PIK3CD: variants seen among roughly 807,000 people sequenced by gnomAD.
PIK3CD encodes the protein phosphatidylinositol 4,5-bisphosphate 3-kinase catalytic subunit delta isoform.
PIK3CD carries 20 observed loss-of-function variants against 122.9 expected under a neutral mutation model. The observed-to-expected ratio is 0.16, with a 90% confidence interval of 0.11 to 0.24. The LOEUF is 0.24. PIK3CD is among the 10% of genes least tolerant of loss of function. PIK3CD has a pLI of 1.00. For synonymous variants in PIK3CD, 596 were observed against 593.4 expected, an observed-to-expected ratio of 1.00 and a Z score of -0.06; for missense variants, 787 against 1,406.3, an observed-to-expected ratio of 0.56 and a Z score of 7.04.
At chr1:9,661,149 G>C (rs1644997594) in intron 1 of PIK3CD, among the ~76,000 whole-genome samples, 1 of 151,994 alleles carries the variant, frequency 6.6e-6, no homozygotes, top group Admixed American at 6.6e-5. Flanking sequence ...TGGACAGGCT[G>C]GTCTCGAACT....
At chr1:9,632,786 T>G in the PIK3CD span, among the ~76,000 whole-genome samples, 9 of 151,746 alleles carry the variant, frequency 5.9e-5, no homozygotes, top group Non-Finnish European at 8.8e-5. Context: ...GTCTAGAGCC[T>G]CTCAGACCCA....
At chr1:9,664,049 CTTTTTTTTT>C (rs754341558) in intron 1 of PIK3CD, among the ~76,000 whole-genome samples, 2 of 101,778 alleles carry the variant, frequency 2.0e-5, no homozygotes, top group South Asian at 4.2e-4. Flanking sequence ...TTCTTTCTTT[CTTTTTTTTT>C]TTTTTTTTTG....
chr1:9,726,273 C>T (rs1346705707), intron 23 of PIK3CD, among the ~76,000 whole-genome samples: 2 of 152,048 alleles, frequency 1.3e-5, no homozygotes, highest in Non-Finnish European at 2.9e-5. Context: ...CTTTGGGAGG[C>T]CAAGGCGGGT....
intron 1 of PIK3CD, among the ~76,000 whole-genome samples, chr1:9,667,548 T>A (rs1645196883): frequency 6.7e-6 from 1 of 149,600 alleles, no homozygotes; most frequent in Non-Finnish European, 1.5e-5. Flanking sequence ...GGCTAATTTT[T>A]TGTATTTTTA....
chr1:9,677,440 G>A (rs1346270900), intron 1 of PIK3CD, among the ~76,000 whole-genome samples: 1 of 152,026 alleles, frequency 6.6e-6, no homozygotes, highest in Non-Finnish European at 1.5e-5. Context: ...GAGGTCAGGA[G>A]TTCAAGACCA....
chr1:9,643,703 G>C, the PIK3CD span, among the ~76,000 whole-genome samples: 1 of 152,142 alleles, frequency 6.6e-6, no homozygotes, highest in Non-Finnish European at 1.5e-5. Context: ...AGTTCTGAAA[G>C]TTGAGCACCA....
At chr1:9,668,628 A>G (rs1480250696) in intron 1 of PIK3CD, among the ~76,000 whole-genome samples, 1 of 152,034 alleles carries the variant, frequency 6.6e-6, no homozygotes, top group Non-Finnish European at 1.5e-5. Flanking sequence ...ACCCTCTCCC[A>G]TGCTTCCCCT....
Position 9,719,039 on chromosome 1 carries a change from T to A in PIK3CD, c.1242+124T>A. ...CTGGGGATGGGGGTCCTGGGATTGCTTGTGGACCCCAGCCTCCTCACCCAC... is the reference window on the plus strand; with the variant it reads ...CTGGGGATGGGGGTCCTGGGATTGCATGTGGACCCCAGCCTCCTCACCCAC... On this transcript the variant is annotated intron_variant, in intron 9 of 23. Transcript: ENST00000377346. This position sits in a 1 kb window ranked among gnomAD's most constrained non-coding sequence, Gnocchi z 5.5. 1 of 925,782 alleles carries A rather than the reference T, an allele frequency of 1.1e-6. No homozygotes were observed. Among genetic ancestry groups the A allele is most frequent in the Non-Finnish European group, 1.7e-6 (1 of 595,040 alleles). 57.3% of individuals were successfully genotyped at this position (925,782 alleles called of 1,614,324 possible). A position where few individuals can be genotyped will look rare whatever the true frequency, so the allele number is the denominator to read the frequency against.
intron 2 of PIK3CD, among the ~76,000 whole-genome samples, chr1:9,694,120 G>A (rs1646310400): frequency 1.3e-5 from 2 of 152,180 alleles, no homozygotes; most frequent in African/African-American, 2.4e-5. Flanking sequence ...GTAGCTCCCC[G>A]AACACCGCAG....
rs566111039 is a variant in PIK3CD, at chr1:9,692,950, G to A, written c.-33+1379G>A. 4.8e-3 allele frequency among the ~76,000 whole-genome samples: 728 copies of A among 152,168 alleles called. 7 individuals carry two copies. Among genetic ancestry groups the A allele is most frequent in the African/African-American group, 0.014 (588 of 41,512 alleles). On this transcript the variant is annotated intron_variant, in intron 2 of 23. Transcript: ENST00000377346. ...TAGATCATGTAGACCCCTGTTGGAG[G>A]ATTAGAATTTCTTCCACACATCTAT...
rs1570385564 is a variant in PIK3CD at position 9,721,151 on chromosome 1, C to T, written c.1714C>T (p.Pro572Ser). The T allele has an allele frequency of 1.2e-6, 2 of 1,612,530 alleles. No homozygotes were observed. The highest frequency in any genetic ancestry group is 1.7e-5 in the Admixed American group (1 of 60,006). Residue 572 changes from proline (P) to serine (S), a missense_variant, in exon 14 of 24, where the codon CCG becomes TCG. By Grantham distance (74) the Pro-to-Ser change is moderately conservative. This residue lies in a region of PIK3CD where 592 missense variants were observed against 920.6 expected (regional missense o/e 0.64). Transcript: ENST00000377346. ...GATGCTCTACCTGCTGTGCTCCTGG[C>T]CGGAGCTGCCCGTCCTGAGCGCCCT... Reference protein sequence around the residue: ...AQMLYLLCSWPELPVLSALEL... With the variant: ...AQMLYLLCSWSELPVLSALEL...
At chr1:9,688,227 A>G (rs1223105202) in intron 1 of PIK3CD, 2 of 152,066 alleles carry the variant, frequency 1.3e-5, no homozygotes, top group Non-Finnish European at 2.9e-5. Context: ...TGTTCTTCAA[A>G]CCACCTTCTA....
At chr1:9,716,216 T>TG (rs886694433) in intron 5 of PIK3CD, 138 bp downstream of exon 5, 79 of 888,132 alleles carry the variant, frequency 8.9e-5, no homozygotes, top group Middle Eastern at 3.1e-4. Flanking sequence ...TGTGCATGTG[T>TG]GGGGCTCAAC....
the PIK3CD span, among the ~76,000 whole-genome samples, chr1:9,636,961 G>A: frequency 1.8e-4 from 27 of 151,552 alleles, no homozygotes; most frequent in Middle Eastern, 3.4e-3. Flanking sequence ...GCAGTGGCCC[G>A]ATCTCGGCTC....
chr1:9,667,045 G>A (rs1645181735), intron 1 of PIK3CD, among the ~76,000 whole-genome samples: 1 of 152,034 alleles, frequency 6.6e-6, no homozygotes, highest in African/African-American at 2.4e-5. Context: ...TTGTATTTTA[G>A]TAGATACGGG....
Position 9,720,522 on chromosome 1 carries a change from G to A in PIK3CD, c.1471-89G>A. The A allele has an allele frequency of 1.9e-6, 3 of 1,542,714 alleles. No homozygotes were observed. Among genetic ancestry groups the A allele is most frequent in the Non-Finnish European group, 2.6e-6 (3 of 1,141,768 alleles). On this transcript the variant is annotated intron_variant, in intron 11 of 23. Coordinates refer to ENST00000377346, the MANE Select transcript of PIK3CD (RefSeq NM_005026.5). The surrounding 1 kb of genome is among the most constrained non-coding windows in gnomAD (Gnocchi z 9.0). ...CATGCAGAGGACAGCGCCCCCTCAA[G>A]GATGATTGGGGTGGCAATGCCCGGC...
chr1:9,630,303 T>G, the PIK3CD span, among the ~76,000 whole-genome samples: 1 of 152,220 alleles, frequency 6.6e-6, no homozygotes, highest in African/African-American at 2.4e-5. Context: ...GTCAGGCCCC[T>G]CCTTGAAGGG....
rs1557680563 is a variant in PIK3CD at position 9,727,066 on chromosome 1, G to A, written c.*20G>A. The A allele has an allele frequency of 1.2e-6, 2 of 1,613,958 alleles. No individual in the cohort carries two copies. The highest frequency in any genetic ancestry group is 1.3e-5 in the African/African-American group (1 of 75,052). The stretch of plus-strand genomic sequence containing the variant: ...CAGTAGTGGCTCCTCCCAGCCCTGG[G>A]CCCAAGAGGAGGCGGCTGCGGGTCG... On this transcript the variant is annotated 3_prime_UTR_variant, in exon 24 of 24. Coordinates refer to ENST00000377346, the MANE Select transcript of PIK3CD (RefSeq NM_005026.5).
At position 9,715,925 on chromosome 1, in the gene PIK3CD, G is replaced by A. The variant is rs944091166; in HGVS notation, c.447G>A (p.Glu149=). Residue 149 remains glutamate, a synonymous_variant, in exon 5 of 24, where the codon GAG becomes GAA. Transcript: ENST00000377346. The surrounding 1 kb of genome is among the most constrained non-coding windows in gnomAD (Gnocchi z 4.1). ...CCAAGATGTGCCAATTCTGCGAGGAGGCGGCCGCCCGCCGGCAGCAGCTGG... is the reference window on the plus strand; with the variant it reads ...CCAAGATGTGCCAATTCTGCGAGGAAGCGGCCGCCCGCCGGCAGCAGCTGG... ...FRAKMCQFCE[E]AAARRQQLGW... is the part of the protein sequence containing the mutation. 4 of 1,612,144 alleles carry A rather than the reference G, an allele frequency of 2.5e-6. No individual in the cohort carries two copies. The highest frequency in any genetic ancestry group is 2.5e-6 in the Non-Finnish European group (3 of 1,179,772).
Sources: allele counts gnomAD v4.1 joint callset (sites outside exome capture counted in the v4.1 genomes callset), GRCh38; gene constraint gnomAD v4.1.1; regional missense constraint gnomAD v4.1.1; non-coding constraint Gnocchi (gnomAD v3.1); transcripts MANE v1.5; gene names NCBI Gene and HGNC (gene_info 2026-07-23, HGNC 2026-07-21).